ENTREP2: variants seen among roughly 807,000 people sequenced by gnomAD.
ENTREP2 encodes endosomal transmembrane epsin interactor 2.
chr15:29,664,787 T>C, the ENTREP2 span, among the ~76,000 whole-genome samples: 1 of 152,188 alleles, frequency 6.6e-6, no homozygotes, highest in Non-Finnish European at 1.5e-5. Context: ...CTGGCCAAAT[T>C]TGGCCTGAAT....
chr15:29,592,291 G>C, the ENTREP2 span, among the ~76,000 whole-genome samples: 2 of 152,284 alleles, frequency 1.3e-5, no homozygotes, highest in East Asian at 3.9e-4. Flanking sequence ...ATAGGTCTAG[G>C]TTCAGGGAAG....
the ENTREP2 span, among the ~76,000 whole-genome samples, chr15:29,291,890 TA>T: frequency 1.3e-5 from 2 of 152,144 alleles, no homozygotes; most frequent in Non-Finnish European, 2.9e-5. Context: ...AGAGTACATT[TA>T]AAATATCAGT....
the ENTREP2 span, chr15:29,269,889 G>A: frequency 7.2e-6 from 4 of 558,642 alleles, no homozygotes; most frequent in Non-Finnish European, 1.2e-5. Flanking sequence ...CGCGGCTGCG[G>A]CGGGTACCAA....
At chr15:29,161,885 G>T in the ENTREP2 span, among the ~76,000 whole-genome samples, 1 of 152,134 alleles carries the variant, frequency 6.6e-6, no homozygotes, top group African/African-American at 2.4e-5. Flanking sequence ...TTTAGCTCCA[G>T]ATCGACTGCA....
chr15:29,249,975 A>G, the ENTREP2 span, among the ~76,000 whole-genome samples: 2 of 152,132 alleles, frequency 1.3e-5, no homozygotes, highest in African/African-American at 4.8e-5. Flanking sequence ...CTCCCTCACT[A>G]TCATGAGGGC....
chr15:29,424,386 G>C, the ENTREP2 span, among the ~76,000 whole-genome samples: 2 of 152,112 alleles, frequency 1.3e-5, no homozygotes, highest in African/African-American at 4.8e-5. Context: ...ACAGAGTGCT[G>C]ATTGGTGTGT....
At chr15:29,558,292 T>C in the ENTREP2 span, among the ~76,000 whole-genome samples, 1 of 152,196 alleles carries the variant, frequency 6.6e-6, no homozygotes, top group Non-Finnish European at 1.5e-5. Context: ...CACGGGAGAA[T>C]GGCTCTGCTG....
chr15:29,584,993 C>CGACG, the ENTREP2 span, among the ~76,000 whole-genome samples: 12 of 74,986 alleles, frequency 1.6e-4, no homozygotes, highest in South Asian at 4.0e-3. Context: ...ACTCAAAGAT[C>CGACG]GATGGATAGA....
the ENTREP2 span, among the ~76,000 whole-genome samples, chr15:29,286,356 G>A: frequency 6.6e-6 from 1 of 152,280 alleles, no homozygotes; most frequent in African/African-American, 2.4e-5. Flanking sequence ...ACATACATCA[G>A]CTTTATTTCT....
At chr15:29,328,908 T>C in the ENTREP2 span, among the ~76,000 whole-genome samples, 3 of 152,182 alleles carry the variant, frequency 2.0e-5, no homozygotes, top group South Asian at 4.1e-4. Context: ...TCGTCCTCCC[T>C]TATATGTGTG....
At chr15:29,487,147 A>T in the ENTREP2 span, among the ~76,000 whole-genome samples, 1 of 152,234 alleles carries the variant, frequency 6.6e-6, no homozygotes. Context: ...GTATCCCATA[A>T]ATATGTACAG....
chr15:29,527,303 G>A, the ENTREP2 span, among the ~76,000 whole-genome samples: 3 of 152,130 alleles, frequency 2.0e-5, no homozygotes, highest in African/African-American at 7.2e-5. Flanking sequence ...TAGTCTGTGA[G>A]ATCTAAGTAG....
At chr15:29,657,071 C>T in the ENTREP2 span, among the ~76,000 whole-genome samples, 1 of 152,020 alleles carries the variant, frequency 6.6e-6, no homozygotes, top group African/African-American at 2.4e-5. Flanking sequence ...TTTTTGAGAC[C>T]GAGTCTCCCG....
At chr15:29,315,980 TAA>T in the ENTREP2 span, among the ~76,000 whole-genome samples, 9 of 113,966 alleles carry the variant, frequency 7.9e-5, no homozygotes. Flanking sequence ...AGCGAAAATC[TAA>T]GAGTAGTTAC....
At chr15:29,522,733 G>T in the ENTREP2 span, among the ~76,000 whole-genome samples, 6 of 152,148 alleles carry the variant, frequency 3.9e-5, no homozygotes, top group African/African-American at 1.4e-4. Flanking sequence ...GAACTGACAT[G>T]AAATGACCTG....
the ENTREP2 span, among the ~76,000 whole-genome samples, chr15:29,225,842 T>C: frequency 6.6e-6 from 1 of 152,184 alleles, no homozygotes; most frequent in Admixed American, 6.5e-5. Flanking sequence ...CCCTGCATCC[T>C]TTAGGCCTCG....
chr15:29,124,943 G>A, the ENTREP2 span, among the ~76,000 whole-genome samples: 14,619 of 152,274 alleles, frequency 0.096, 776 homozygotes, highest in East Asian at 0.23. Flanking sequence ...CAGGCCTGCC[G>A]TGGGTCAAGT....
chr15:29,123,571 C>T, the ENTREP2 span: 63 of 1,551,634 alleles, frequency 4.1e-5, no homozygotes, highest in African/African-American at 9.6e-5. Flanking sequence ...TGGTGTTGGC[C>T]GTTGGTCAGT....
At chr15:29,204,982 C>T in the ENTREP2 span, among the ~76,000 whole-genome samples, 2 of 152,150 alleles carry the variant, frequency 1.3e-5, no homozygotes, top group South Asian at 2.1e-4. Context: ...AATCCCCATT[C>T]CCTCTCCCAC....
Sources: gnomAD v4.1 joint callset for allele counts (sites outside exome capture counted in the v4.1 genomes callset) on GRCh38, gnomAD v4.1.1 for gene constraint, MANE v1.5 for transcripts, NCBI Gene and HGNC (gene_info 2026-07-23, HGNC 2026-07-21) for gene names.